ABCC1: variants seen among roughly 807,000 people sequenced by gnomAD.
ABCC1 encodes ATP binding cassette subfamily C member 1 (ABCC1 blood group).
A neutral mutation model predicts 172.9 loss-of-function variants in ABCC1; 83 were observed. That is an observed-to-expected ratio of 0.48 (90% confidence interval 0.40 to 0.58). ABCC1 has a LOEUF of 0.58. Ranked by LOEUF, ABCC1 falls within the 20% of genes least tolerant of loss-of-function variation. The pLI, the probability that ABCC1 is intolerant of heterozygous loss-of-function variation, is 0.00. For missense variants in ABCC1, 1,817 were observed against 2,002.7 expected (o/e 0.91, Z 1.77); for synonymous variants, 937 against 825.2 (o/e 1.14, Z -2.32).
At chr16:15,986,027 C>T (rs989227693) in intron 1 of ABCC1, among the ~76,000 whole-genome samples, 2 of 151,350 alleles carry the variant, frequency 1.3e-5, no homozygotes, top group African/African-American at 4.9e-5. Flanking sequence ...CTCTGCCTCC[C>T]AGGTTCAAGT....
Position 16,079,457 on chromosome 16 carries a change from G to A in ABCC1, c.2094G>A (p.Val698=), listed in dbSNP as rs1397358728. Residue 698 remains valine (V), a synonymous_variant, in exon 16 of 31, where the codon GTG becomes GTA. Transcript: ENST00000399410. ...LSALLAEMDK[V]EGHVAIKGSV... ...CCCTCTTGGCTGAGATGGACAAAGT[G>A]GAGGGGCACGTGGCTATCAAGGTAG... 2.5e-6 allele frequency: 4 copies of A among 1,613,378 alleles called. No homozygotes were observed. The highest frequency in any genetic ancestry group is 2.7e-5 in the African/African-American group (2 of 75,054).
chr16:16,141,034 C>A, intron 30 of ABCC1, 139 bp from the exon 31 acceptor site: 1 of 675,588 alleles, frequency 1.5e-6, no homozygotes, highest in East Asian at 2.5e-5. Context: ...GAGCAACCAG[C>A]TGGAAGGTAC....
At chr16:16,077,596 TCCTGCCCACTCAGGCCC>T (rs1451725037) in intron 15 of ABCC1, among the ~76,000 whole-genome samples, 1 of 152,170 alleles carries the variant, frequency 6.6e-6, no homozygotes, top group African/African-American at 2.4e-5. Context: ...TCACTGGGCT[TCCTGCCCACTCAGGCCC>T]CATAATCCTT....
chr16:16,039,266 C>CTTT (rs1202497870), intron 7 of ABCC1, among the ~76,000 whole-genome samples: 8 of 87,758 alleles, frequency 9.1e-5, no homozygotes, highest in East Asian at 3.4e-4. Context: ...TGTGTGTTTT[C>CTTT]TTTTTTTTTT....
At chr16:16,114,652 T>C in intron 22 of ABCC1, 114 bp from the exon 23 acceptor site, 1 of 962,072 alleles carries the variant, frequency 1.0e-6, no homozygotes, top group East Asian at 2.7e-5. Flanking sequence ...ATCATTATTA[T>C]TATTATTAGA....
At chr16:15,985,226 A>T (rs1488103082) in intron 1 of ABCC1, among the ~76,000 whole-genome samples, 1 of 152,202 alleles carries the variant, frequency 6.6e-6, no homozygotes, top group East Asian at 1.9e-4. Context: ...CTGTGGATGT[A>T]GCGGGTATTT....
At chr16:16,068,117 T>C in intron 12 of ABCC1, 39 bp from the exon 13 acceptor site, 1 of 1,612,220 alleles carries the variant, frequency 6.2e-7, no homozygotes. Flanking sequence ...TGACTCTCAC[T>C]CGGGGCACAG....
At chr16:16,071,568 G>C (rs1596460018) in intron 13 of ABCC1, 74 bp from the exon 14 acceptor site, 2 of 1,303,014 alleles carry the variant, frequency 1.5e-6, no homozygotes, top group African/African-American at 1.5e-5. Flanking sequence ...GGAAACCCTT[G>C]AAAGTTAACC....
At chr16:16,081,171 T>G (rs2050792039) in intron 16 of ABCC1, among the ~76,000 whole-genome samples, 1 of 152,180 alleles carries the variant, frequency 6.6e-6, no homozygotes, top group Non-Finnish European at 1.5e-5. Context: ...CCTGGCCTAG[T>G]TAATGACATT....
chr16:16,093,827 T>G (rs999996520), intron 19 of ABCC1, among the ~76,000 whole-genome samples: 1 of 151,886 alleles, frequency 6.6e-6, no homozygotes, highest in Non-Finnish European at 1.5e-5. Context: ...GCTGAAGGGG[T>G]GCAGGTGTTG....
rs553672368 is a variant in ABCC1, at chr16:16,037,366, C to G, written c.809+763C>G. Among the ~76,000 whole-genome samples the G allele has an allele frequency of 7.2e-5, 11 of 152,350 alleles. No homozygotes were observed. In the East Asian group the frequency reaches 2.1e-3, roughly 29 times the overall value. On this transcript the variant is annotated intron_variant, in intron 7 of 30. Coordinates refer to ENST00000399410, the MANE Select transcript of ABCC1 (RefSeq NM_004996.4). Reference sequence around the variant, plus strand: ...TACCCCCTATGTAAGGCGTGCCCCACTGCACCACCTCTGTCACTCTTCGGG... The same window carrying G: ...TACCCCCTATGTAAGGCGTGCCCCAGTGCACCACCTCTGTCACTCTTCGGG...
At chr16:16,009,934 TCTG>T (rs2047713059) in intron 3 of ABCC1, 33 bp downstream of exon 3, 2 of 1,551,862 alleles carry the variant, frequency 1.3e-6, no homozygotes, top group Admixed American at 3.9e-5. Flanking sequence ...CCCTGGGCCA[TCTG>T]CTGGGCTCAG....
rs563330408 is a variant in ABCC1, at chr16:15,997,799, C to T, written c.49-10017C>T. The stretch of plus-strand genomic sequence containing the variant: ...CCGGTAAGGAACATCCAGGAGGCCT[C>T]GATACCTTTTTTTTTTTTTTTTTTT... On this transcript the variant is annotated intron_variant, in intron 1 of 30. Transcript: ENST00000399410. Among the ~76,000 whole-genome samples the T allele has an allele frequency of 4.8e-5, 7 of 145,822 alleles. No homozygotes were observed. In the East Asian group the frequency reaches 1.2e-3, roughly 25 times the overall value.
At chr16:16,093,418 A>G (rs2051332298) in intron 19 of ABCC1, among the ~76,000 whole-genome samples, 1 of 151,596 alleles carries the variant, frequency 6.6e-6, no homozygotes, top group Non-Finnish European at 1.5e-5. Context: ...GTATCCAAGC[A>G]GTGTATACAG....
At chr16:16,132,768 C>T (rs192759628) in intron 27 of ABCC1, among the ~76,000 whole-genome samples, 10 of 151,518 alleles carry the variant, frequency 6.6e-5, no homozygotes, top group Non-Finnish European at 1.2e-4. Context: ...CTGATCCACC[C>T]GCCTCAGCCT....
chr16:16,066,143 T>C (rs554033237), intron 12 of ABCC1, among the ~76,000 whole-genome samples: 65 of 152,174 alleles, frequency 4.3e-4, no homozygotes, highest in African/African-American at 1.4e-3. Context: ...CTGTGGACTT[T>C]TCATATAAAT....
In ABCC1 at chr16:16,083,346, G is replaced by A. The variant is rs372748425; in HGVS notation, c.2116-20G>A. The A allele has an allele frequency of 3.6e-4, 577 of 1,610,636 alleles. 1 individual carries two copies. The highest frequency in any genetic ancestry group is 1.8e-3 in the Middle Eastern group (9 of 5,114). On this transcript the variant is annotated intron_variant, in intron 16 of 30. Coordinates refer to ENST00000399410, the MANE Select transcript of ABCC1 (RefSeq NM_004996.4). ...TCTGTCTGTGTGTCTGTCTCACCTC[G>A]TTCTCCATTTGCAACTTAGGGCTCC...
intron 22 of ABCC1, among the ~76,000 whole-genome samples, chr16:16,114,344 A>ATTT (rs1029906186): frequency 1.4e-3 from 211 of 145,826 alleles, no homozygotes; most frequent in African/African-American, 5.0e-3. Flanking sequence ...TATTATTACT[A>ATTT]TTTTTTTTTT....
intron 12 of ABCC1, among the ~76,000 whole-genome samples, chr16:16,065,605 G>A (rs989662889): frequency 3.9e-5 from 6 of 152,074 alleles, no homozygotes; most frequent in Non-Finnish European, 8.8e-5. Context: ...GCTAATTTTT[G>A]TATTTTTAGT....
Sources: allele counts gnomAD v4.1 joint callset (sites outside exome capture counted in the v4.1 genomes callset), GRCh38; gene constraint gnomAD v4.1.1; transcripts MANE v1.5; gene names NCBI Gene and HGNC (gene_info 2026-07-23, HGNC 2026-07-21).